IDO2: variants seen among roughly 807,000 people sequenced by gnomAD.
IDO2 encodes indoleamine 2,3-dioxygenase 2, also known as indoleamine 2,3-dioxygenase-like 1 protein.
In IDO2, 46 loss-of-function variants were observed where a neutral mutation model predicts 45.1. The ratio of observed to expected loss-of-function variants is 1.02; its 90% CI spans 0.80 to 1.30. The LOEUF is 1.30. Among genes scored for constraint, IDO2 ranks in the 50% most tolerant of loss-of-function variants. The pLI is 0.00. For missense variants in IDO2, 544 were observed against 491.8 expected, an observed-to-expected ratio of 1.11 and a Z score of -1.00; for synonymous variants, 218 against 184.9, an observed-to-expected ratio of 1.18 and a Z score of -1.45.
At chr8:39,950,911 T>C (rs1014835918) in intron 2 of IDO2, among the ~76,000 whole-genome samples, 10 of 152,266 alleles carry the variant, frequency 6.6e-5, no homozygotes, top group Admixed American at 4.6e-4. Context: ...CAGCCACTAA[T>C]AGTGGCTAGC....
chr8:39,989,861 G>A (rs1808475743), intron 8 of IDO2, 23 bp downstream of exon 8: 2 of 1,518,030 alleles, frequency 1.3e-6, no homozygotes, highest in African/African-American at 2.8e-5. Context: ...CGAAGCTCCT[G>A]AAGGATCCCC....
At chr8:39,941,221 C>CA (rs59745370) in intron 1 of IDO2, among the ~76,000 whole-genome samples, 34,728 of 80,360 alleles carry the variant, frequency 0.43, 9,001 homozygotes, top group Non-Finnish European at 0.52. Context: ...GACTCCATCT[C>CA]AAAAAAAAAA....
At chr8:39,994,327 G>A (rs887611468) in intron 8 of IDO2, among the ~76,000 whole-genome samples, 3 of 150,328 alleles carry the variant, frequency 2.0e-5, no homozygotes, top group South Asian at 4.2e-4. Flanking sequence ...GCGCCATCTC[G>A]GTTCACCACA....
At chr8:39,970,976 A>G (rs1471062020) in intron 3 of IDO2, among the ~76,000 whole-genome samples, 1 of 151,456 alleles carries the variant, frequency 6.6e-6, no homozygotes, top group Non-Finnish European at 1.5e-5. Context: ...CATGTTGGCC[A>G]AGATGGTCTC....
intron 9 of IDO2, among the ~76,000 whole-genome samples, chr8:40,005,711 AG>A (rs1464491245): frequency 1.3e-5 from 2 of 152,220 alleles, no homozygotes; most frequent in Non-Finnish European, 2.9e-5. Flanking sequence ...CTTGTTATTA[AG>A]GCATGTAGAA....
At chr8:39,954,214 G>C (rs1465558775) in intron 2 of IDO2, among the ~76,000 whole-genome samples, 15 of 152,162 alleles carry the variant, frequency 9.9e-5, no homozygotes, top group Non-Finnish European at 1.5e-4. Flanking sequence ...TGTCATTTAA[G>C]TCCTCAGTGA....
intron 1 of IDO2, among the ~76,000 whole-genome samples, chr8:39,935,453 T>C (rs999766061): frequency 6.6e-6 from 1 of 152,066 alleles, no homozygotes; most frequent in Non-Finnish European, 1.5e-5. Context: ...GTTGTTGTTG[T>C]TGTTGTTGTT....
At chr8:39,959,148 C>T (rs62513119) in intron 2 of IDO2, among the ~76,000 whole-genome samples, 26,357 of 149,234 alleles carry the variant, frequency 0.18, 2,872 homozygotes, top group South Asian at 0.32. Flanking sequence ...CTCGCTCTGT[C>T]GCCCAGGCTG....
chr8:39,985,585 A>G, intron 6 of IDO2, 63 bp downstream of exon 6: 3 of 1,361,556 alleles, frequency 2.2e-6, no homozygotes, highest in Non-Finnish European at 3.1e-6. Context: ...TCTTACAATA[A>G]AACAAAGAAC....
intron 6 of IDO2, 70 bp downstream of exon 6, chr8:39,985,592 G>C: frequency 1.6e-6 from 2 of 1,274,806 alleles, no homozygotes; most frequent in Non-Finnish European, 2.2e-6. Context: ...ATAAAACAAA[G>C]AACAAAGCAT....
chr8:39,981,387 GAA>G (rs1165407477), intron 4 of IDO2, among the ~76,000 whole-genome samples: 1 of 152,098 alleles, frequency 6.6e-6, no homozygotes, highest in Non-Finnish European at 1.5e-5. Flanking sequence ...GTCTGATGCT[GAA>G]AAGTTTGAAG....
exon 11 of IDO2, chr8:40,015,247 G>C (rs753303778): frequency 6.4e-7 from 1 of 1,565,834 alleles, no homozygotes; most frequent in African/African-American, 1.4e-5. Context: ...TTTCTTTCAG[G>C]TGACTTTCTG....
chr8:39,981,650 G>A (rs968464872), intron 4 of IDO2, among the ~76,000 whole-genome samples: 16 of 152,100 alleles, frequency 1.1e-4, no homozygotes, highest in African/African-American at 3.4e-4. Flanking sequence ...GCCTTCTGAG[G>A]AAAGTTTACC....
intron 3 of IDO2, among the ~76,000 whole-genome samples, chr8:39,972,344 G>T (rs80042902): frequency 6.6e-6 from 1 of 152,122 alleles, no homozygotes; most frequent in Admixed American, 6.5e-5. Flanking sequence ...GGTGCCGAGC[G>T]TGGTGGCTCA....
rs74839045 is a variant in IDO2, at chr8:40,013,435, C to T, written c.720-130C>T. ...TCAGTACTTACCCTACAAAGATACC[C>T]CCAATCCCTCACCCTAAAATTACCA... On this transcript the variant is annotated intron_variant, in intron 9 of 10. Coordinates refer to ENST00000502986, the Ensembl canonical transcript of IDO2. 1.7e-3 allele frequency: 1,452 copies of T among 864,336 alleles called. 12 individuals carry two copies. In the African/African-American group the frequency reaches 0.022, roughly 13 times the overall value. The allele number at this position is 864,336 out of a possible 1,614,324, so 53.5% of individuals were successfully genotyped here.
chr8:40,007,390 C>T (rs1802239871), intron 9 of IDO2, among the ~76,000 whole-genome samples: 1 of 151,896 alleles, frequency 6.6e-6, no homozygotes, highest in Non-Finnish European at 1.5e-5. Context: ...TGGAATCCTC[C>T]TTGTAGAGGG....
At chr8:39,989,427 C>T (rs1424861014) in intron 7 of IDO2, among the ~76,000 whole-genome samples, 4 of 152,080 alleles carry the variant, frequency 2.6e-5, no homozygotes, top group Admixed American at 6.5e-5. Flanking sequence ...CTGATCATAA[C>T]GTGACAAATC....
At chr8:39,988,748 G>A (rs912841397) in intron 7 of IDO2, among the ~76,000 whole-genome samples, 1 of 152,126 alleles carries the variant, frequency 6.6e-6, no homozygotes, top group East Asian at 1.9e-4. Context: ...CATATGTTGA[G>A]CACCTACTGG....
intron 10 of IDO2, among the ~76,000 whole-genome samples, chr8:40,014,072 A>C (rs2981159): frequency 0.98 from 149,227 of 152,272 alleles, 73,192 homozygotes; most frequent in East Asian, 1. Context: ...CAGGTCTGGG[A>C]TCTTCCAAGA....
Sources: allele counts gnomAD v4.1 joint callset (sites outside exome capture counted in the v4.1 genomes callset), GRCh38; gene constraint gnomAD v4.1.1; transcripts MANE v1.5; gene names NCBI Gene and HGNC (gene_info 2026-07-23, HGNC 2026-07-21).